RBM41: variants seen among roughly 807,000 people sequenced by gnomAD.
RBM41 encodes RNA-binding protein 41.
RBM41 carries 14 observed loss-of-function variants against 30.8 expected under a neutral mutation model. That is an observed-to-expected ratio of 0.45 (90% CI 0.30 to 0.71). The LOEUF (loss-of-function observed/expected upper bound fraction) is 0.71. Ranked by LOEUF, RBM41 falls within the 30% of genes least tolerant of loss-of-function variation. RBM41 has a pLI of 0.08. For missense variants in RBM41, 276 were observed against 326.3 expected, an observed-to-expected ratio of 0.85 and a Z score of 1.19; for synonymous variants, 120 against 110.1, an observed-to-expected ratio of 1.09 and a Z score of -0.56.
chrX:107,062,629 A>C lies in RBM41; in HGVS notation c.*4898T>G, dbSNP rs1935680111. Among the ~76,000 whole-genome samples the C allele has an allele frequency of 9.2e-6, 1 of 108,680 alleles. No individual in the cohort carries two copies. The highest frequency in any genetic ancestry group is 1.9e-5 in the Non-Finnish European group (1 of 52,900). The allele number at this position is 108,680 out of a possible 115,157, so 94.4% of individuals were successfully genotyped here. A position where few individuals can be genotyped will look rare whatever the true frequency, so the allele number is the denominator to read the frequency against. ...GCCATTGGCAGAATATTTTTTAAAA[A>C]ATTTTTTAGTTAAAAAAAAAAATGA... On this transcript the variant is annotated 3_prime_UTR_variant, in exon 8 of 8. Coordinates refer to ENST00000685964, the MANE Select transcript of RBM41 (RefSeq NM_001324242.2).
chrX:107,087,677 C>A (rs1922155356), intron 6 of RBM41, among the ~76,000 whole-genome samples: 1 of 112,497 alleles, frequency 8.9e-6, no homozygotes, highest in African/African-American at 3.2e-5. Flanking sequence ...ATGATCTCGG[C>A]TCACTGCAAC....
At chrX:107,097,142 T>C (rs1923048152) in intron 5 of RBM41, among the ~76,000 whole-genome samples, 1 of 111,896 alleles carries the variant, frequency 8.9e-6, no homozygotes. Flanking sequence ...TACAACCACA[T>C]TAGGAAATAG....
chrX:107,075,953 C>T (rs1438564921), intron 6 of RBM41, among the ~76,000 whole-genome samples: 2 of 111,716 alleles, frequency 1.8e-5, no homozygotes, highest in Non-Finnish European at 3.8e-5. Context: ...CGGCAATACT[C>T]ACAATAGTCA....
At chrX:107,089,617 T>C (rs1303792947) in intron 5 of RBM41, among the ~76,000 whole-genome samples, 1 of 112,334 alleles carries the variant, frequency 8.9e-6, no homozygotes, top group Non-Finnish European at 1.9e-5. Context: ...TTTTAGAAAG[T>C]TGCATTGGAC....
intron 5 of RBM41, among the ~76,000 whole-genome samples, chrX:107,091,393 T>C (rs955623639): frequency 8.9e-6 from 1 of 112,322 alleles, no homozygotes; most frequent in African/African-American, 3.2e-5. Context: ...TGTTTTAAAG[T>C]CACTATAAGT....
At chrX:107,108,179 C>T (rs1924170511) in intron 5 of RBM41, among the ~76,000 whole-genome samples, 1 of 111,492 alleles carries the variant, frequency 9.0e-6, no homozygotes, top group Non-Finnish European at 1.9e-5. Context: ...ATCACTTATG[C>T]CCCCTGAAGC....
chrX:107,109,961 T>A (rs1025934454), intron 5 of RBM41, among the ~76,000 whole-genome samples: 1 of 111,184 alleles, frequency 9.0e-6, no homozygotes, highest in Non-Finnish European at 1.9e-5. Flanking sequence ...GTGGCAAGAG[T>A]GGACATCCTT....
chrX:107,065,637 T>C lies in RBM41; in HGVS notation c.*1890A>G. The C allele has an allele frequency of 1.4e-6, 1 of 705,752 alleles. No individual in the cohort carries two copies. The highest frequency in any genetic ancestry group is 4.2e-5 in the South Asian group (1 of 23,916). The allele number at this position is 705,752 out of a possible 1,213,427, so 58.2% of individuals were successfully genotyped here. On this transcript the variant is annotated 3_prime_UTR_variant, in exon 8 of 8. Transcript: ENST00000685964. Reference sequence around the variant, plus strand: ...AGAAGAGTAAGTATATGTTTATAGTTTTTTTATATTAAACTTATTTCCTAT... The same window carrying C: ...AGAAGAGTAAGTATATGTTTATAGTCTTTTTATATTAAACTTATTTCCTAT...
At chrX:107,101,143 T>G (rs1042203428) in intron 5 of RBM41, among the ~76,000 whole-genome samples, 8 of 111,174 alleles carry the variant, frequency 7.2e-5, no homozygotes, top group Admixed American at 2.9e-4. Flanking sequence ...TTATCACAAG[T>G]TAGGGCAGTA....
Position 107,115,809 on chromosome X carries a change from GCT to G in RBM41, c.318+51_318+52del, listed in dbSNP as rs1467442451. 13 of 1,107,090 alleles carry G rather than the reference GCT, an allele frequency of 1.2e-5. No homozygotes were observed. In the Admixed American group the frequency reaches 3.0e-4, roughly 25 times the overall value. The allele number at this position is 1,107,090 out of a possible 1,213,427, so 91.2% of individuals were successfully genotyped here. ...CTCAGTGCTAAAATGAAGATATTTT[GCT>G]CTGTTTCTTTGAGGAGAAAAACCAA... On this transcript the variant is annotated intron_variant, in intron 3 of 7. Transcript: ENST00000685964.
chrX:107,073,248 G>A (rs1055574500), intron 6 of RBM41, among the ~76,000 whole-genome samples: 9 of 111,466 alleles, frequency 8.1e-5, no homozygotes, highest in African/African-American at 2.9e-4. Context: ...ACCCAACAGG[G>A]GATTAATATC....
intron 5 of RBM41, among the ~76,000 whole-genome samples, chrX:107,111,302 C>A (rs1924445825): frequency 9.0e-6 from 1 of 111,353 alleles, no homozygotes; most frequent in Non-Finnish European, 1.9e-5. Flanking sequence ...CTCAACAGCA[C>A]TAATCATCAG....
At chrX:107,099,037 T>C (rs1209004283) in intron 5 of RBM41, among the ~76,000 whole-genome samples, 1 of 110,357 alleles carries the variant, frequency 9.1e-6, no homozygotes, top group Non-Finnish European at 1.9e-5. Flanking sequence ...ACAAAACCAC[T>C]AAGTATAAAG....
rs1238348824 is a variant in RBM41 at position 107,115,568 on chromosome X, G to A, written c.319-12C>T. 1 of 1,180,854 alleles carries A rather than the reference G, an allele frequency of 8.5e-7. No individual in the cohort carries two copies. Among genetic ancestry groups the A allele is most frequent in the Non-Finnish European group, 1.2e-6 (1 of 868,593 alleles). ...CTCAGTTTTGTCTTCTGAAACCAGAGGAATGAGATGGCATGTATCATAGAG... is the reference window on the plus strand; with the variant it reads ...CTCAGTTTTGTCTTCTGAAACCAGAAGAATGAGATGGCATGTATCATAGAG... On this transcript the variant is annotated splice_polypyrimidine_tract_variant and intron_variant, in intron 3 of 7. Transcript: ENST00000685964.
chrX:107,060,773 T>C (rs757032820), downstream of RBM41, among the ~76,000 whole-genome samples: 60 of 111,282 alleles, frequency 5.4e-4, no homozygotes, highest in Non-Finnish European at 9.0e-4. Flanking sequence ...AACAGAATAT[T>C]TGAACAGCCT....
rs998934837 is a variant in RBM41 at position 107,067,174 on chromosome X, C to A, written c.*353G>T. 1.1e-5 allele frequency: 8 copies of A among 760,359 alleles called. No homozygotes were observed. Among genetic ancestry groups the A allele is most frequent in the Non-Finnish European group, 1.2e-5 (8 of 642,188 alleles). 62.7% of individuals were successfully genotyped at this position (760,359 alleles called of 1,213,427 possible). ...AATTAGTTTTTTATTTCTGTGTATA[C>A]GAAGCAGTCTAAGAAAGAATGTTAT... On this transcript the variant is annotated 3_prime_UTR_variant, in exon 8 of 8. Coordinates refer to ENST00000685964, the MANE Select transcript of RBM41 (RefSeq NM_001324242.2).
chrX:107,110,360 A>G (rs1300630468), intron 5 of RBM41, among the ~76,000 whole-genome samples: 1 of 111,588 alleles, frequency 9.0e-6, no homozygotes, highest in Non-Finnish European at 1.9e-5. Context: ...ACTGATAAAC[A>G]AGATTTGAAA....
At chrX:107,090,764 C>T (rs982676948) in intron 5 of RBM41, among the ~76,000 whole-genome samples, 1 of 110,773 alleles carries the variant, frequency 9.0e-6, no homozygotes, top group Non-Finnish European at 1.9e-5. Context: ...TAAAATGATC[C>T]ACTAGAATGG....
At position 107,115,913 on chromosome X, in the gene RBM41, C is replaced by G; in HGVS notation, c.267G>C (p.Gly89=). ...DQETASLREL[G]LNETEILIWK... ...AGATCAAGATTTCTGTTTCATTAAG[C>G]CCTAATTCCCTGAGAGAAGCAGTTT... The change falls in exon 3 of 8, where the codon GGG becomes GGC. Residue 89 remains glycine (G), a synonymous_variant. Transcript: ENST00000685964. 8.3e-7 allele frequency: 1 copy of G among 1,208,515 alleles called. No individual in the cohort carries two copies. Among genetic ancestry groups the G allele is most frequent in the Non-Finnish European group, 1.1e-6 (1 of 893,930 alleles).
Sources: gnomAD v4.1 joint callset for allele counts (sites outside exome capture counted in the v4.1 genomes callset) on GRCh38, gnomAD v4.1.1 for gene constraint, MANE v1.5 for transcripts, NCBI Gene and HGNC (gene_info 2026-07-23, HGNC 2026-07-21) for gene names.